The following PUM2 variants were observed in gnomAD, a reference collection of about 807,000 sequenced individuals.
PUM2 encodes pumilio homolog 2.
PUM2 carries 57 observed loss-of-function variants against 124.5 expected under a neutral mutation model. That is an observed-to-expected ratio of 0.46 (90% CI 0.37 to 0.57). The LOEUF is 0.57. Ranked by LOEUF, PUM2 falls within the 20% of genes least tolerant of loss-of-function variation. The probability of loss-of-function intolerance (pLI) is 0.00; values close to 1 mark genes in which losing one functional copy is unlikely to be tolerated. For synonymous variants in PUM2, 460 were observed against 446.1 expected (o/e 1.03, Z -0.39); for missense variants, 1,065 against 1,290.6 (o/e 0.83, Z 2.68).
At chr2:20,284,421 T>C (rs894992920) in intron 10 of PUM2, among the ~76,000 whole-genome samples, 40 of 152,186 alleles carry the variant, frequency 2.6e-4, no homozygotes, top group African/African-American at 9.2e-4. Context: ...AGTGGCATAA[T>C]CATAGCTCAC....
chr2:20,254,032 TAAAC>T lies in PUM2; in HGVS notation c.2871-22_2871-19del, dbSNP rs760335168. 18 of 1,584,644 alleles carry T rather than the reference TAAAC, an allele frequency of 1.1e-5. No homozygotes were observed. Among genetic ancestry groups the T allele is most frequent in the East Asian group, 6.7e-5 (3 of 44,558 alleles). On this transcript the variant is annotated intron_variant, in intron 19 of 20. Coordinates refer to ENST00000361078, the MANE Select transcript of PUM2 (RefSeq NM_015317.5). ...CTACATTGCTAAAAATTAAAGCAGA[TAAAC>T]AAAGATTTGTTATTTTTTTCTTCAC...
intron 1 of PUM2, among the ~76,000 whole-genome samples, chr2:20,332,708 A>C (rs1405821813): frequency 1.3e-5 from 2 of 152,234 alleles, no homozygotes; most frequent in Non-Finnish European, 2.9e-5. Context: ...TGGTAATAAA[A>C]AAGTTGGAAT....
intron 2 of PUM2, chr2:20,326,448 T>C: frequency 4.6e-6 from 6 of 1,292,502 alleles, no homozygotes; most frequent in Non-Finnish European, 6.1e-6. Context: ...CAAGGTAAAA[T>C]AATCTCCAGG....
intron 13 of PUM2, among the ~76,000 whole-genome samples, chr2:20,266,867 G>A (rs1005646933): frequency 3.3e-5 from 5 of 152,102 alleles, no homozygotes; most frequent in Non-Finnish European, 7.4e-5. Flanking sequence ...GGTAATCAGT[G>A]TGATAAGTAG....
rs772429561 is a variant in PUM2 at position 20,311,640 on chromosome 2, A to T, written c.372T>A (p.Asp124Glu). 1.2e-6 allele frequency: 2 copies of T among 1,613,186 alleles called. No individual in the cohort carries two copies. Among genetic ancestry groups the T allele is most frequent in the Non-Finnish European group, 1.7e-6 (2 of 1,179,558 alleles). ...GNFGTRDAET[D>E]GPEKGDQKGK... Reference sequence around the variant, plus strand: ...CTTTTTGATCTCCTTTCTCAGGTCCATCTGTTTCAGCATCTCTAGTGCCCT... The same window carrying T: ...CTTTTTGATCTCCTTTCTCAGGTCCTTCTGTTTCAGCATCTCTAGTGCCCT... Residue 124 changes from aspartate (D) to glutamate (E), a missense_variant, in exon 5 of 21, where the codon GAT (aspartate) becomes GAA (glutamate). Transcript: ENST00000361078.
At chr2:20,325,082 A>G (rs1401530941) in intron 2 of PUM2, among the ~76,000 whole-genome samples, 1 of 152,216 alleles carries the variant, frequency 6.6e-6, no homozygotes, top group Non-Finnish European at 1.5e-5. Context: ...CTGGTGAGAG[A>G]GAGAGGCAAA....
At chr2:20,267,843 ATGAGAACTT>A (rs1219863661) in intron 13 of PUM2, among the ~76,000 whole-genome samples, 2 of 152,176 alleles carry the variant, frequency 1.3e-5, no homozygotes, top group Non-Finnish European at 2.9e-5. Flanking sequence ...ATGTTCATTC[ATGAGAACTT>A]TAATTGGTTC....
At chr2:20,322,815 C>CA (rs1392434614) in intron 2 of PUM2, among the ~76,000 whole-genome samples, 1 of 151,832 alleles carries the variant, frequency 6.6e-6, no homozygotes, top group African/African-American at 2.4e-5. Context: ...AAACAAAAAA[C>CA]AAAAAACAAA....
At position 20,251,518 on chromosome 2, in the gene PUM2, G is replaced by T; in HGVS notation, c.*67C>A. ...AAGATTCATAGTTGAGTTGTGTTTT[G>T]ATAATTCACACACAAAAAAATTCTT... On this transcript the variant is annotated 3_prime_UTR_variant, in exon 21 of 21. Transcript: ENST00000361078. The T allele has an allele frequency of 6.8e-6, 10 of 1,473,364 alleles. No individual in the cohort carries two copies. Among genetic ancestry groups the T allele is most frequent in the South Asian group, 2.8e-5 (2 of 72,112 alleles). The allele number at this position is 1,473,364 out of a possible 1,614,324, so 91.3% of individuals were successfully genotyped here. A position where few individuals can be genotyped will look rare whatever the true frequency, so the allele number is the denominator to read the frequency against.
At chr2:20,276,610 C>CT (rs35272028) in intron 13 of PUM2, among the ~76,000 whole-genome samples, 2 of 151,622 alleles carry the variant, frequency 1.3e-5, no homozygotes, top group South Asian at 2.1e-4. Flanking sequence ...AAATATTTTT[C>CT]TTTTTTTTGG....
intron 15 of PUM2, among the ~76,000 whole-genome samples, chr2:20,259,782 A>G (rs577340144): frequency 6.6e-6 from 1 of 152,124 alleles, no homozygotes; most frequent in Non-Finnish European, 1.5e-5. Context: ...ATTTGCTTTC[A>G]ATTGTACCCC....
At chr2:20,319,055 C>T (rs1681687767) in intron 2 of PUM2, among the ~76,000 whole-genome samples, 2 of 152,174 alleles carry the variant, frequency 1.3e-5, no homozygotes, top group Non-Finnish European at 2.9e-5. Context: ...ATAGAAAATA[C>T]TTTTTCATTT....
intron 1 of PUM2, among the ~76,000 whole-genome samples, chr2:20,336,712 T>TGTGTGTGTGTG (rs201731555): frequency 7.5e-6 from 1 of 133,856 alleles, no homozygotes; most frequent in African/African-American, 2.9e-5. Flanking sequence ...TGTGTGTGTG[T>TGTGTGTGTGTG]TACAGACGGG....
chr2:20,326,030 G>A (rs1020486898), intron 2 of PUM2, among the ~76,000 whole-genome samples: 15 of 152,162 alleles, frequency 9.9e-5, no homozygotes, highest in Admixed American at 4.6e-4. Context: ...GCTTTTTAAA[G>A]AGCAAAGAAA....
At chr2:20,277,208 A>G (rs770663087) in intron 13 of PUM2, among the ~76,000 whole-genome samples, 1 of 152,150 alleles carries the variant, frequency 6.6e-6, no homozygotes, top group Non-Finnish European at 1.5e-5. Flanking sequence ...AAAAACTATT[A>G]TGATAAGTCT....
intron 12 of PUM2, among the ~76,000 whole-genome samples, chr2:20,282,298 T>G (rs1242787473): frequency 6.6e-6 from 1 of 152,230 alleles, no homozygotes; most frequent in African/African-American, 2.4e-5. Flanking sequence ...GTGAAGCTAT[T>G]TAAAATTTTG....
intron 9 of PUM2, 90 bp from the exon 10 acceptor site, chr2:20,290,880 C>T: frequency 1.9e-6 from 2 of 1,058,172 alleles, no homozygotes; most frequent in Non-Finnish European, 2.6e-6. Context: ...TTACAAACAG[C>T]CTTTGGATAT....
intron 13 of PUM2, among the ~76,000 whole-genome samples, chr2:20,275,884 T>G (rs1670117741): frequency 6.6e-6 from 1 of 152,036 alleles, no homozygotes; most frequent in African/African-American, 2.4e-5. Flanking sequence ...ATCAAACAAA[T>G]GCAATGTATG....
At chr2:20,342,958 T>C (rs1687508758) in intron 1 of PUM2, among the ~76,000 whole-genome samples, 1 of 152,162 alleles carries the variant, frequency 6.6e-6, no homozygotes, top group African/African-American at 2.4e-5. Context: ...GGATTAAGTA[T>C]TAAATCATAT....
Sources: allele counts gnomAD v4.1 joint callset (sites outside exome capture counted in the v4.1 genomes callset), GRCh38; gene constraint gnomAD v4.1.1; transcripts MANE v1.5; gene names NCBI Gene and HGNC (gene_info 2026-07-23, HGNC 2026-07-21).